MALL: variants seen among roughly 807,000 people sequenced by gnomAD.
MALL encodes mal, T cell differentiation protein like.
MALL carries 2 observed loss-of-function variants against 10.3 expected under a neutral mutation model. The observed-to-expected ratio is 0.19, with a 90% CI of 0.08 to 0.61. The LOEUF is 0.61. Ranked by LOEUF, MALL falls within the 20% of genes least tolerant of loss-of-function variation. The probability of loss-of-function intolerance (pLI) is 0.88; values close to 1 mark genes in which losing one functional copy is unlikely to be tolerated. For missense variants in MALL, 39 were observed against 115.2 expected (o/e 0.34, Z 3.03); for synonymous variants, 27 against 51.8 (o/e 0.52, Z 2.05).
At chr2:110,107,566 A>T (rs1287259439) in intron 1 of MALL, among the ~76,000 whole-genome samples, 1 of 152,094 alleles carries the variant, frequency 6.6e-6, no homozygotes, top group African/African-American at 2.4e-5. Flanking sequence ...GAGCTCATAC[A>T]TGCCTAGCCC....
At position 110,097,454 on chromosome 2, in the gene MALL, G is replaced by A. The variant is rs574568948; in HGVS notation, c.106-5684C>T. ...GAGTCTCACGGAGAATTCTGAATGG[G>A]AAGAGATAAGGAGGATGGCCTTTGG... On this transcript the variant is annotated intron_variant, in intron 1 of 3. Coordinates refer to ENST00000272462, the MANE Select transcript of MALL (RefSeq NM_005434.5). 15 of 456,452 alleles carry A rather than the reference G, an allele frequency of 3.3e-5. No individual in the cohort carries two copies. The East Asian group carries it at 9.7e-4, about 30-fold the overall frequency. The allele number at this position is 456,452 out of a possible 1,614,324, so 28.3% of individuals were successfully genotyped here. A position where few individuals can be genotyped will look rare whatever the true frequency, so the allele number is the denominator to read the frequency against.
At chr2:110,100,837 G>A (rs1678549329) in intron 1 of MALL, among the ~76,000 whole-genome samples, 1 of 152,182 alleles carries the variant, frequency 6.6e-6, no homozygotes, top group Non-Finnish European at 1.5e-5. Flanking sequence ...CGCTGAGGAA[G>A]GTGAAGGGAA....
At chr2:110,111,808 C>T (rs1678808114) in intron 1 of MALL, among the ~76,000 whole-genome samples, 1 of 152,118 alleles carries the variant, frequency 6.6e-6, no homozygotes, top group Admixed American at 6.5e-5. Context: ...AATCTGGAGG[C>T]ATCACACTAC....
chr2:110,112,113 C>G (rs1215066084), intron 1 of MALL, among the ~76,000 whole-genome samples: 1 of 152,088 alleles, frequency 6.6e-6, no homozygotes, highest in Non-Finnish European at 1.5e-5. Context: ...AACTTAAGAC[C>G]TGAAATTACA....
intron 1 of MALL, among the ~76,000 whole-genome samples, chr2:110,112,771 G>C (rs1294989184): frequency 6.6e-6 from 1 of 151,782 alleles, no homozygotes; most frequent in Non-Finnish European, 1.5e-5. Context: ...ATTCAAAAAA[G>C]ATACTTGCAC....
intron 1 of MALL, among the ~76,000 whole-genome samples, chr2:110,097,324 C>T (rs1310728467): frequency 6.6e-6 from 1 of 152,104 alleles, no homozygotes; most frequent in Non-Finnish European, 1.5e-5. Flanking sequence ...AGCAGAACCT[C>T]TTGGCTTGGA....
intron 1 of MALL, among the ~76,000 whole-genome samples, chr2:110,101,430 A>G (rs1377316392): frequency 6.6e-6 from 1 of 152,174 alleles, no homozygotes; most frequent in Non-Finnish European, 1.5e-5. Context: ...CCAGGCCCCT[A>G]AGGCCTCCAG....
chr2:110,115,469 C>T (rs938068505), intron 1 of MALL, among the ~76,000 whole-genome samples: 4 of 151,466 alleles, frequency 2.6e-5, no homozygotes, highest in African/African-American at 7.3e-5. Context: ...CCCCTGTGCT[C>T]GCTCCCCGCT....
At chr2:110,100,250 G>A (rs1678534296) in intron 1 of MALL, among the ~76,000 whole-genome samples, 1 of 152,142 alleles carries the variant, frequency 6.6e-6, no homozygotes, top group South Asian at 2.1e-4. Flanking sequence ...AAGCTGAGGT[G>A]GGAGGATTGC....
rs537514460 is a variant in MALL, at chr2:110,091,715, A to T, written c.161T>A (p.Leu54Ter). The T allele has an allele frequency of 6.2e-7, 1 of 1,613,370 alleles. No homozygotes were observed. The highest frequency in any genetic ancestry group is 1.3e-5 in the African/African-American group (1 of 74,984). Residue 54 changes from leucine (L) to a stop codon, truncating the protein, a stop_gained, in exon 2 of 4, where the codon TTG (leucine) becomes TAG (stop). Transcript: ENST00000272462. LOFTEE classifies it high-confidence loss of function. ...MVAATHIVYP[L>*]LQGWVMYVSL... ...GACATACATCACCCATCCTTGCAGCAAGGGGTATACTATGTGGGTGGCGGC... is the reference window on the plus strand; with the variant it reads ...GACATACATCACCCATCCTTGCAGCTAGGGGTATACTATGTGGGTGGCGGC...
At position 110,115,757 on chromosome 2, in the gene MALL, G is replaced by A; in HGVS notation, c.36C>T (p.Ala12=). 2 of 1,288,406 alleles carry A rather than the reference G, an allele frequency of 1.6e-6. No homozygotes were observed. The highest frequency in any genetic ancestry group is 7.2e-5 in the South Asian group (2 of 27,838). The allele number at this position is 1,288,406 out of a possible 1,614,324, so 79.8% of individuals were successfully genotyped here. Residue 12 remains alanine, a synonymous_variant, in exon 1 of 4, where the codon GCC becomes GCT. Transcript: ENST00000272462. ...ASPDPPATSY[A]PSDVPSGVAL... is the part of the protein sequence containing the mutation. Reference sequence around the variant, plus strand: ...CGACCCCCGAGGGCACGTCGGACGGGGCGTAGCTGGTGGCGGGCGGGTCGG... The same window carrying A: ...CGACCCCCGAGGGCACGTCGGACGGAGCGTAGCTGGTGGCGGGCGGGTCGG...
At chr2:110,092,964 T>A (rs1678403114) in intron 1 of MALL, among the ~76,000 whole-genome samples, 1 of 34,390 alleles carries the variant, frequency 2.9e-5, no homozygotes, top group African/African-American at 5.8e-5. Context: ...TATTTTTCCA[T>A]AATATTCTGT....
At chr2:110,101,977 G>A (rs921566314) in intron 1 of MALL, among the ~76,000 whole-genome samples, 2 of 152,090 alleles carry the variant, frequency 1.3e-5, no homozygotes, top group African/African-American at 4.8e-5. Context: ...CGGCCCGGTG[G>A]CTGGGCTTCC....
chr2:110,107,114 G>A (rs1047997989), intron 1 of MALL, among the ~76,000 whole-genome samples: 4 of 152,136 alleles, frequency 2.6e-5, no homozygotes, highest in Non-Finnish European at 5.9e-5. Context: ...GGTAGCACGA[G>A]GGAGCTCTTT....
At chr2:110,103,087 G>A (rs1678608966) in intron 1 of MALL, among the ~76,000 whole-genome samples, 1 of 152,168 alleles carries the variant, frequency 6.6e-6, no homozygotes, top group African/African-American at 2.4e-5. Context: ...TGGAGTCCCA[G>A]ACTCATGATA....
rs747569072 is a variant in MALL at position 110,115,816 on chromosome 2, C to T, written c.-24G>A. 1.7e-6 allele frequency: 2 copies of T among 1,156,378 alleles called. No homozygotes were observed. Among genetic ancestry groups the T allele is most frequent in the South Asian group, 8.8e-5 (2 of 22,780 alleles). 71.6% of individuals were successfully genotyped at this position (1,156,378 alleles called of 1,614,324 possible). A position where few individuals can be genotyped will look rare whatever the true frequency, so the allele number is the denominator to read the frequency against. On this transcript the variant is annotated 5_prime_UTR_variant, in exon 1 of 4. Transcript: ENST00000272462. ...ATGCTGTCAGCCCCTGCCGGGTGCT[C>T]CGCGGCAGCTCGCCCGCGCGCAGCC... is the stretch of plus-strand genomic sequence containing the variant.
At chr2:110,108,201 G>A (rs1360390663) in intron 1 of MALL, among the ~76,000 whole-genome samples, 1 of 152,058 alleles carries the variant, frequency 6.6e-6, no homozygotes, top group Non-Finnish European at 1.5e-5. Context: ...TGATTCACCT[G>A]AAAAAGAATT....
intron 1 of MALL, among the ~76,000 whole-genome samples, chr2:110,098,463 C>T (rs1461680815): frequency 2.0e-5 from 3 of 152,048 alleles, no homozygotes; most frequent in East Asian, 1.9e-4. Flanking sequence ...GGAATCATGC[C>T]GTATTTGTCC....
chr2:110,114,687 G>A (rs573940100), intron 1 of MALL, among the ~76,000 whole-genome samples: 2 of 151,108 alleles, frequency 1.3e-5, no homozygotes, highest in African/African-American at 4.9e-5. Context: ...AGTGGCTTGA[G>A]GGGGCCCAAC....
Sources: gnomAD v4.1 joint callset for allele counts (sites outside exome capture counted in the v4.1 genomes callset) on GRCh38, gnomAD v4.1.1 for gene constraint, MANE v1.5 for transcripts, NCBI Gene and HGNC (gene_info 2026-07-23, HGNC 2026-07-21) for gene names.